PDXK: variants seen among roughly 807,000 people sequenced by gnomAD.
The protein encoded by PDXK is pyridoxal kinase, also known as epididymis secretory sperm binding protein Li 1a.
A neutral mutation model predicts 43.2 loss-of-function variants in PDXK; 15 were observed. The observed-to-expected ratio is 0.35, with a 90% CI of 0.23 to 0.53. PDXK has a LOEUF of 0.53. Among genes scored for constraint, PDXK ranks in the 20% least tolerant of loss-of-function variants. The probability of loss-of-function intolerance (pLI) is 0.92; values close to 1 mark genes in which losing one functional copy is unlikely to be tolerated. For missense variants in PDXK, 343 were observed against 417.0 expected (o/e 0.82, Z 1.54); for synonymous variants, 172 against 165.4 (o/e 1.04, Z -0.31).
In PDXK at chr21:43,748,878, A is replaced by G. The variant is rs1601827271; in HGVS notation, c.379-117A>G. ...CTACAGTCGGGGGGCCTGGCCCCTG[A>G]GCCTGGACTTCAGGGGGCTTTTGGG... On this transcript the variant is annotated intron_variant, in intron 5 of 10. Coordinates refer to ENST00000291565, the MANE Select transcript of PDXK (RefSeq NM_003681.5). The G allele has an allele frequency of 1.3e-5, 9 of 677,494 alleles. No individual in the cohort carries two copies. In the South Asian group the frequency reaches 1.6e-4, roughly 12 times the overall value. 42.0% of individuals were successfully genotyped at this position (677,494 alleles called of 1,614,324 possible).
Position 43,741,666 on chromosome 21 carries a change from G to C in PDXK, c.143-1G>C. 1 of 1,612,008 alleles carries C rather than the reference G, an allele frequency of 6.2e-7. No individual in the cohort carries two copies. Among genetic ancestry groups the C allele is most frequent in the Non-Finnish European group, 8.5e-7 (1 of 1,178,400 alleles). On this transcript the variant is annotated splice_acceptor_variant, in intron 2 of 10. Coordinates refer to ENST00000291565, the MANE Select transcript of PDXK (RefSeq NM_003681.5). LOFTEE classifies it high-confidence loss of function. ...GCCCCCATGGCTTCCTCTGCCTCTA[G>C]GCTATGCCCACTGGAAGGGCCAAGT...
intron 1 of PDXK, among the ~76,000 whole-genome samples, chr21:43,725,285 T>C (rs769582949): frequency 6.6e-6 from 1 of 152,074 alleles, no homozygotes; most frequent in Non-Finnish European, 1.5e-5. Context: ...ATCGCGCCAC[T>C]GCACTCCAGC....
intron 1 of PDXK, among the ~76,000 whole-genome samples, chr21:43,728,548 CG>C (rs1188886714): frequency 6.6e-6 from 1 of 152,134 alleles, no homozygotes; most frequent in Non-Finnish European, 1.5e-5. Flanking sequence ...CCTGCCTCCC[CG>C]GAGGAGGAGG....
At position 43,738,027 on chromosome 21, in the gene PDXK, C is replaced by T. The variant is rs926160775; in HGVS notation, c.143-3640C>T. 8.0e-5 allele frequency: 79 copies of T among 985,302 alleles called. No homozygotes were observed. In the African/African-American group the frequency reaches 8.7e-4, roughly 11 times the overall value. The allele number at this position is 985,302 out of a possible 1,614,324, so 61.0% of individuals were successfully genotyped here. On this transcript the variant is annotated intron_variant, in intron 2 of 10. Coordinates refer to ENST00000291565, the MANE Select transcript of PDXK (RefSeq NM_003681.5). Reference sequence around the variant, plus strand: ...GGGCCTGGGGCCTGTGTCTGAGACCCGGCCAAGTGCTGGACGTCTCCCCTT... The same window carrying T: ...GGGCCTGGGGCCTGTGTCTGAGACCTGGCCAAGTGCTGGACGTCTCCCCTT...
intron 1 of PDXK, among the ~76,000 whole-genome samples, chr21:43,725,867 C>T (rs1292343077): frequency 1.3e-5 from 2 of 152,028 alleles, no homozygotes; most frequent in Non-Finnish European, 2.9e-5. Context: ...AGTGTGCCTC[C>T]TTCCTTCCTC....
rs2083923055 is a variant in PDXK, at chr21:43,760,879, C to T, written c.*4816C>T. The T allele has an allele frequency of 6.6e-6, 1 of 152,230 alleles. No individual in the cohort carries two copies. The highest frequency in any genetic ancestry group is 2.4e-5 in the African/African-American group (1 of 41,454). 9.4% of individuals were successfully genotyped at this position (152,230 alleles called of 1,614,324 possible). A position where few individuals can be genotyped will look rare whatever the true frequency, so the allele number is the denominator to read the frequency against. On this transcript the variant is annotated 3_prime_UTR_variant, in exon 11 of 11. Coordinates refer to ENST00000291565, the MANE Select transcript of PDXK (RefSeq NM_003681.5). ...GCATGTGTGTCTCCTGTCGACTCTG[C>T]AGTTTGTTCTCAGAGCAGAATGTTT...
rs898843118 is a variant in PDXK at position 43,756,433 on chromosome 21, G to A, written c.*370G>A. 10 of 202,848 alleles carry A rather than the reference G, an allele frequency of 4.9e-5. No individual in the cohort carries two copies. The highest frequency in any genetic ancestry group is 1.9e-3 in the Middle Eastern group (1 of 530). The allele number at this position is 202,848 out of a possible 1,614,324, so 12.6% of individuals were successfully genotyped here. Reference sequence around the variant, plus strand: ...TGGCTGCCACTACCGTACAGAGGCCGTGTCGCGCTGGGCTGGGCCTGGGTG... The same window carrying A: ...TGGCTGCCACTACCGTACAGAGGCCATGTCGCGCTGGGCTGGGCCTGGGTG... On this transcript the variant is annotated 3_prime_UTR_variant, in exon 11 of 11. Transcript: ENST00000291565.
At chr21:43,747,723 T>C (rs1374616330) in intron 5 of PDXK, among the ~76,000 whole-genome samples, 15 of 152,208 alleles carry the variant, frequency 9.9e-5, no homozygotes, top group Non-Finnish European at 1.9e-4. Flanking sequence ...TCCAGTTCAG[T>C]GCGGCTACGG....
In PDXK at chr21:43,734,058, C is replaced by G. The variant is rs1243477746; in HGVS notation, c.88-11C>G. The G allele has an allele frequency of 1.2e-6, 2 of 1,614,094 alleles. No individual in the cohort carries two copies. The highest frequency in any genetic ancestry group is 1.7e-6 in the Non-Finnish European group (2 of 1,179,898). ...TCTCTTACGCCTACCTGTTCCTTCT[C>G]TGTCTTGCAGGTTTTGGGATTTGAG... On this transcript the variant is annotated splice_polypyrimidine_tract_variant and intron_variant, in intron 1 of 10. Transcript: ENST00000291565. This position sits in a 1 kb window ranked among gnomAD's most constrained non-coding sequence, Gnocchi z 5.0.
In PDXK at chr21:43,732,058, C is replaced by G; in HGVS notation, c.88-2011C>G. Reference sequence around the variant, plus strand: ...ATTCCGCTGCTGCTATGGGAAGGGACGGTCACTACCGCTGCCCCTGTGGGG... The same window carrying G: ...ATTCCGCTGCTGCTATGGGAAGGGAGGGTCACTACCGCTGCCCCTGTGGGG... On this transcript the variant is annotated intron_variant, in intron 1 of 10. Transcript: ENST00000291565. The surrounding 1 kb of genome is among the most constrained non-coding windows in gnomAD (Gnocchi z 4.1). 3.7e-6 allele frequency: 3 copies of G among 808,640 alleles called. No individual in the cohort carries two copies. The South Asian group carries it at 1.0e-4, about 27-fold the overall frequency. 50.1% of individuals were successfully genotyped at this position (808,640 alleles called of 1,614,324 possible). A position where few individuals can be genotyped will look rare whatever the true frequency, so the allele number is the denominator to read the frequency against.
chr21:43,732,994 T>A lies in PDXK; in HGVS notation c.88-1075T>A, dbSNP rs575711256. Among the ~76,000 whole-genome samples the A allele has an allele frequency of 6.6e-6, 1 of 152,252 alleles. No individual in the cohort carries two copies. The highest frequency in any genetic ancestry group is 2.1e-4 in the South Asian group (1 of 4,828). On this transcript the variant is annotated intron_variant, in intron 1 of 10. Coordinates refer to ENST00000291565, the MANE Select transcript of PDXK (RefSeq NM_003681.5). The surrounding 1 kb of genome is among the most constrained non-coding windows in gnomAD (Gnocchi z 4.1). ...AACTCCTGGCCTCAAACTGTACTCC[T>A]ACCTCGGCCTCCTAAAGTGCTGGGA...
chr21:43,753,827 C>A, intron 9 of PDXK, 108 bp downstream of exon 9: 1 of 1,293,122 alleles, frequency 7.7e-7, no homozygotes, highest in Non-Finnish European at 1.1e-6. Flanking sequence ...CAGGGCATGG[C>A]CCTGAGTGCT....
chr21:43,724,748 G>A (rs934081652), intron 1 of PDXK, among the ~76,000 whole-genome samples: 1 of 151,910 alleles, frequency 6.6e-6, no homozygotes, highest in African/African-American at 2.4e-5. Context: ...AGGTGAAGTG[G>A]GAGGATCACC....
chr21:43,737,465 G>C lies in PDXK; in HGVS notation c.142+3342G>C. ...TTGAGAGGATTTCCTGGAGCTCCCT[G>C]TCTGAGCTTCCCGGACTGAGGGCAC... On this transcript the variant is annotated intron_variant, in intron 2 of 10. Coordinates refer to ENST00000291565, the MANE Select transcript of PDXK (RefSeq NM_003681.5). This position sits in a 1 kb window ranked among gnomAD's most constrained non-coding sequence, Gnocchi z 4.8. 8.4e-6 allele frequency: 9 copies of C among 1,067,402 alleles called. No homozygotes were observed. The South Asian group carries it at 2.2e-4, about 27-fold the overall frequency. The allele number at this position is 1,067,402 out of a possible 1,614,324, so 66.1% of individuals were successfully genotyped here. A position where few individuals can be genotyped will look rare whatever the true frequency, so the allele number is the denominator to read the frequency against.
Position 43,761,281 on chromosome 21 carries a change from T to C in PDXK, c.*5218T>C, listed in dbSNP as rs2083928603. On this transcript the variant is annotated 3_prime_UTR_variant, in exon 11 of 11. Transcript: ENST00000291565. ...TCTCCTTTCTTCCCATCCACCAGTATACTGCGGGGCCATTTCTGGTCTTTG... is the reference window on the plus strand; with the variant it reads ...TCTCCTTTCTTCCCATCCACCAGTACACTGCGGGGCCATTTCTGGTCTTTG... 6.6e-6 allele frequency: 1 copy of C among 152,574 alleles called. No homozygotes were observed. Among genetic ancestry groups the C allele is most frequent in the Non-Finnish European group, 1.5e-5 (1 of 68,242 alleles). The allele number at this position is 152,574 out of a possible 1,614,324, so 9.5% of individuals were successfully genotyped here. A position where few individuals can be genotyped will look rare whatever the true frequency, so the allele number is the denominator to read the frequency against.
chr21:43,752,125 GT>G (rs367617744), intron 7 of PDXK, among the ~76,000 whole-genome samples: 2 of 152,120 alleles, frequency 1.3e-5, no homozygotes, highest in African/African-American at 2.4e-5. Context: ...GTGTGTGTGT[GT>G]GCGCGCGCGT....
intron 2 of PDXK, chr21:43,736,823 G>A (rs2083411526): frequency 3.0e-6 from 2 of 660,720 alleles, no homozygotes; most frequent in Non-Finnish European, 5.5e-6. Flanking sequence ...CATAGAGACG[G>A]AGTCTCACTA....
At position 43,735,305 on chromosome 21, in the gene PDXK, G is replaced by A. The variant is rs2083384414; in HGVS notation, c.142+1182G>A. 6.6e-6 allele frequency among the ~76,000 whole-genome samples: 1 copy of A among 152,198 alleles called. No homozygotes were observed. The highest frequency in any genetic ancestry group is 1.5e-5 in the Non-Finnish European group (1 of 68,022). ...CTGGCCGGCTTGGACACTAAAGCAG[G>A]GTGTTGAGTGTGTTTCTGGGGACTG... is the stretch of plus-strand genomic sequence containing the variant. On this transcript the variant is annotated intron_variant, in intron 2 of 10. Transcript: ENST00000291565. The surrounding 1 kb of genome is among the most constrained non-coding windows in gnomAD (Gnocchi z 5.3).
chr21:43,731,094 C>T (rs1278861183), intron 1 of PDXK, among the ~76,000 whole-genome samples: 1 of 152,102 alleles, frequency 6.6e-6, no homozygotes, highest in East Asian at 1.9e-4. Flanking sequence ...CCTCAGCCTC[C>T]CAAAGTGCTG....
Sources: gnomAD v4.1 joint callset for allele counts (sites outside exome capture counted in the v4.1 genomes callset) on GRCh38, gnomAD v4.1.1 for gene constraint, Gnocchi (gnomAD v3.1) non-coding constraint, MANE v1.5 for transcripts, NCBI Gene and HGNC (gene_info 2026-07-23, HGNC 2026-07-21) for gene names.